Variants in PAN3 observed in about 807,000 individuals in gnomAD.
PAN3 encodes PAN2-PAN3 deadenylation complex subunit PAN3.
In PAN3, 19 loss-of-function variants were observed where a neutral mutation model predicts 96.2. The ratio of observed to expected loss-of-function variants is 0.20; its 90% CI spans 0.14 to 0.29. The LOEUF (loss-of-function observed/expected upper bound fraction) is 0.29, where lower values mean the gene tolerates loss of function less well. Ranked by LOEUF, PAN3 falls within the 10% of genes least tolerant of loss-of-function variation. The pLI is 1.00. For synonymous variants in PAN3, 433 were observed against 406.6 expected, an observed-to-expected ratio of 1.06 and a Z score of -0.78; for missense variants, 882 against 1,108.1, an observed-to-expected ratio of 0.80 and a Z score of 2.90.
At chr13:28,219,598 C>T (rs1204069392) in intron 5 of PAN3, among the ~76,000 whole-genome samples, 1 of 152,122 alleles carries the variant, frequency 6.6e-6, no homozygotes, top group African/African-American at 2.4e-5. Context: ...AGCATAGTAC[C>T]ACTGTGAAAA....
chr13:28,246,059 TGTTAGG>T (rs1228453554), intron 6 of PAN3, among the ~76,000 whole-genome samples: 2 of 152,208 alleles, frequency 1.3e-5, no homozygotes, highest in African/African-American at 4.8e-5. Flanking sequence ...ACAATTCCAC[TGTTAGG>T]GTCATAGCAA....
At chr13:28,141,002 A>ATTTTTTT (rs1869700651) in intron 1 of PAN3, among the ~76,000 whole-genome samples, 4 of 104,240 alleles carry the variant, frequency 3.8e-5, no homozygotes, top group African/African-American at 1.7e-4. Context: ...AGAAAGAGAC[A>ATTTTTTT]CTTTTTTTTT....
At chr13:28,260,060 G>A (rs1205909244) in intron 7 of PAN3, among the ~76,000 whole-genome samples, 7 of 152,032 alleles carry the variant, frequency 4.6e-5, no homozygotes, top group Non-Finnish European at 1.0e-4. Context: ...ATCATGTAAA[G>A]ATTAAAATTT....
chr13:28,221,274 G>T (rs376497141), intron 6 of PAN3, among the ~76,000 whole-genome samples: 9 of 151,494 alleles, frequency 5.9e-5, no homozygotes, highest in African/African-American at 2.2e-4. Context: ...TATGTTTGTC[G>T]AATGTTTGAG....
intron 6 of PAN3, among the ~76,000 whole-genome samples, chr13:28,239,278 C>T (rs1883424820): frequency 6.6e-6 from 1 of 151,552 alleles, no homozygotes; most frequent in East Asian, 1.9e-4. Context: ...TAGCTTTGGC[C>T]CTTATAATAC....
chr13:28,227,268 G>A (rs775657660), intron 6 of PAN3, among the ~76,000 whole-genome samples: 1 of 152,218 alleles, frequency 6.6e-6, no homozygotes, highest in Non-Finnish European at 1.5e-5. Flanking sequence ...ATAGCTACCA[G>A]TAGATAATAT....
intron 4 of PAN3, among the ~76,000 whole-genome samples, chr13:28,192,876 G>A (rs1877470747): frequency 6.6e-6 from 1 of 152,144 alleles, no homozygotes; most frequent in African/African-American, 2.4e-5. Flanking sequence ...ACTTTTCTAT[G>A]TAATCTTTCG....
At chr13:28,209,065 A>C (rs1389553297) in intron 5 of PAN3, among the ~76,000 whole-genome samples, 1 of 152,206 alleles carries the variant, frequency 6.6e-6, no homozygotes, top group Admixed American at 6.5e-5. Context: ...CAGAATAGCT[A>C]TTACAATGTA....
At chr13:28,252,188 CTTTT>C (rs10545190) in intron 6 of PAN3, among the ~76,000 whole-genome samples, 6 of 112,522 alleles carry the variant, frequency 5.3e-5, no homozygotes, top group East Asian at 2.4e-4. Flanking sequence ...GCGACGGGCC[CTTTT>C]TTTTTTTTTT....
At chr13:28,256,608 C>A in intron 7 of PAN3, 69 bp downstream of exon 7, 1 of 1,449,394 alleles carries the variant, frequency 6.9e-7, no homozygotes. Flanking sequence ...GTGAGGCGGT[C>A]TACCCCCTCC....
intron 4 of PAN3, among the ~76,000 whole-genome samples, chr13:28,185,978 C>T (rs368669883): frequency 6.6e-6 from 1 of 152,162 alleles, no homozygotes; most frequent in Non-Finnish European, 1.5e-5. Context: ...TAAAGGTGAA[C>T]TTAAAATTCT....
chr13:28,176,871 A>G (rs1234479385), intron 3 of PAN3, among the ~76,000 whole-genome samples: 1 of 151,984 alleles, frequency 6.6e-6, no homozygotes, highest in Non-Finnish European at 1.5e-5. Flanking sequence ...AAAGTGTATA[A>G]GTTATATACA....
intron 5 of PAN3, among the ~76,000 whole-genome samples, chr13:28,207,718 A>G (rs1879543674): frequency 6.6e-6 from 1 of 152,208 alleles, no homozygotes; most frequent in South Asian, 2.1e-4. Flanking sequence ...ACCAGATTCT[A>G]ATTATTCATT....
chr13:28,188,837 G>T (rs1202438321), intron 4 of PAN3, among the ~76,000 whole-genome samples: 2 of 152,136 alleles, frequency 1.3e-5, no homozygotes, highest in Admixed American at 6.5e-5. Flanking sequence ...ATTACCAAAA[G>T]AATTAAATGC....
intron 7 of PAN3, among the ~76,000 whole-genome samples, chr13:28,260,219 A>G (rs1450284323): frequency 6.6e-6 from 1 of 151,982 alleles, no homozygotes; most frequent in Non-Finnish European, 1.5e-5. Context: ...CAACATGGTG[A>G]AACCCTGTCT....
intron 4 of PAN3, among the ~76,000 whole-genome samples, chr13:28,188,221 A>G (rs544994311): frequency 2.2e-4 from 33 of 150,406 alleles, no homozygotes; most frequent in African/African-American, 6.0e-4. Context: ...CCTAGGATTT[A>G]TTATATATTT....
At chr13:28,143,911 C>T (rs566133648) in intron 1 of PAN3, among the ~76,000 whole-genome samples, 100 of 152,216 alleles carry the variant, frequency 6.6e-4, no homozygotes, top group African/African-American at 2.1e-3. Flanking sequence ...CAAGACTAGC[C>T]TTTTCATCCC....
chr13:28,138,884 C>T lies in PAN3; in HGVS notation c.227C>T (p.Ala76Val). The change falls in exon 1 of 19, where the codon GCC (alanine) becomes GTC (valine). Residue 76 changes from alanine to valine, a missense_variant. By Grantham distance (64) the Ala-to-Val change is moderately conservative. Coordinates refer to ENST00000380958, the MANE Select transcript of PAN3 (RefSeq NM_175854.8). ...FLHEDPAAGA[A>V]PGLGLHSNSV... is the part of the protein sequence containing the mutation. Reference sequence around the variant, plus strand: ...CATGAGGACCCTGCCGCCGGGGCTGCCCCGGGCCTCGGCCTCCATAGCAAC... The same window carrying T: ...CATGAGGACCCTGCCGCCGGGGCTGTCCCGGGCCTCGGCCTCCATAGCAAC... 1 of 1,411,164 alleles carries T rather than the reference C, an allele frequency of 7.1e-7. No individual in the cohort carries two copies. The highest frequency in any genetic ancestry group is 9.2e-7 in the Non-Finnish European group (1 of 1,086,932). 87.4% of individuals were successfully genotyped at this position (1,411,164 alleles called of 1,614,324 possible).
intron 4 of PAN3, among the ~76,000 whole-genome samples, chr13:28,187,334 T>C (rs1876614126): frequency 6.6e-6 from 1 of 152,032 alleles, no homozygotes; most frequent in Admixed American, 6.6e-5. Context: ...CTCAAAAAAA[T>C]ACAACAATTT....
Sources: gnomAD v4.1 joint callset for allele counts (sites outside exome capture counted in the v4.1 genomes callset) on GRCh38, gnomAD v4.1.1 for gene constraint, MANE v1.5 for transcripts, NCBI Gene and HGNC (gene_info 2026-07-23, HGNC 2026-07-21) for gene names.